CFLAR: variants seen among roughly 807,000 people sequenced by gnomAD.
The protein encoded by CFLAR is CASP8 and FADD-like apoptosis regulator.
In CFLAR, 14 loss-of-function variants were observed where a neutral mutation model predicts 51.1. The observed-to-expected ratio is 0.27, with a 90% confidence interval of 0.18 to 0.43. The LOEUF is 0.43. CFLAR is among the 20% of genes least tolerant of loss of function. The pLI is 1.00. For synonymous variants in CFLAR, 210 were observed against 211.6 expected, an observed-to-expected ratio of 0.99 and a Z score of 0.06; for missense variants, 390 against 566.5, an observed-to-expected ratio of 0.69 and a Z score of 3.16.
At chr2:201,143,559 T>G (rs1345605379) in intron 5 of CFLAR, 1 of 152,196 alleles carries the variant, frequency 6.6e-6, no homozygotes, top group Non-Finnish European at 1.5e-5. Context: ...GTGACTTTCT[T>G]AAAAGGTTTA....
chr2:201,130,187 G>GGGGGTGGCA, intron 2 of CFLAR, 41 bp downstream of exon 2: 1 of 292,394 alleles, frequency 3.4e-6, no homozygotes, highest in East Asian at 9.3e-5. Context: ...GGGTGGGAGG[G>GGGGGTGGCA]AGTGAAGTGT....
chr2:201,136,217 G>A, intron 4 of CFLAR, 110 bp downstream of exon 4: 2 of 1,609,402 alleles, frequency 1.2e-6, no homozygotes, highest in Non-Finnish European at 1.7e-6. Context: ...ATGGAACCTG[G>A]ATGACCAAAG....
rs1490862841 is a variant in CFLAR at position 201,133,021 on chromosome 2, G to T, written c.282-8G>T. 4 of 1,608,660 alleles carry T rather than the reference G, an allele frequency of 2.5e-6. No individual in the cohort carries two copies. Among genetic ancestry groups the T allele is most frequent in the Non-Finnish European group, 3.4e-6 (4 of 1,175,192 alleles). On this transcript the variant is annotated splice_region_variant and splice_polypyrimidine_tract_variant and intron_variant, in intron 2 of 9. Transcript: ENST00000309955. ...TGAATTAACTAAATGAACTTGTCTG[G>T]TTTGCAGAGTGCTGATGGCAGAGAT...
intron 7 of CFLAR, 55 bp downstream of exon 7, chr2:201,149,107 T>G: frequency 5.0e-6 from 6 of 1,194,656 alleles, no homozygotes; most frequent in Non-Finnish European, 7.4e-6. Flanking sequence ...TGGATAACCC[T>G]GACTTCTTTA....
At chr2:201,132,832 A>T (rs887344716) in intron 2 of CFLAR, 197 bp from the exon 3 acceptor site, 3 of 445,950 alleles carry the variant, frequency 6.7e-6, no homozygotes, top group African/African-American at 5.9e-5. Flanking sequence ...ACGGGCAAGG[A>T]CAAGTTCCCT....
At chr2:201,145,292 C>G in intron 5 of CFLAR, 86 bp from the exon 6 acceptor site, 3 of 741,372 alleles carry the variant, frequency 4.0e-6, no homozygotes, top group Non-Finnish European at 7.0e-6. Context: ...GTTAAGAATC[C>G]TATTGAGACA....
At chr2:201,131,737 C>G (rs2049348587) in intron 2 of CFLAR, among the ~76,000 whole-genome samples, 3 of 152,104 alleles carry the variant, frequency 2.0e-5, no homozygotes, top group Admixed American at 1.3e-4. Flanking sequence ...GGGTCTTGCT[C>G]TGTCATCCAG....
At chr2:201,161,412 T>TTA (rs375193962) in intron 9 of CFLAR, among the ~76,000 whole-genome samples, 1,733 of 83,578 alleles carry the variant, frequency 0.021, 18 homozygotes, top group Non-Finnish European at 0.031. Context: ...ATTTATTTAT[T>TTA]TTTATTTATT....
chr2:201,159,072 T>G (rs1942671089), intron 8 of CFLAR, among the ~76,000 whole-genome samples: 1 of 151,626 alleles, frequency 6.6e-6, no homozygotes, highest in South Asian at 2.1e-4. Context: ...GAGACGGGGT[T>G]TCACCATATT....
rs1553571662 is a variant in CFLAR at position 201,176,283 on chromosome 2, G to GGC, written c.*12311_*12312insCG. 16 of 127,564 alleles carry GGC rather than the reference G, an allele frequency of 1.3e-4. 2 individuals are homozygous for GGC. Among genetic ancestry groups the GGC allele is most frequent in the Middle Eastern group, 3.7e-3 (1 of 270 alleles). The allele number at this position is 127,564 out of a possible 1,614,324, so 7.9% of individuals were successfully genotyped here. ...GTCTCAGGTGTTTTCTATTGCGGGGGGGGGGGGCGGGCGGGGGAGCTGCCT... is the reference window on the plus strand; with the variant it reads ...GTCTCAGGTGTTTTCTATTGCGGGGGGCGGGGGGGCGGGCGGGGGAGCTGCCT... On this transcript the variant is annotated 3_prime_UTR_variant, in exon 10 of 10. Transcript: ENST00000309955.
intron 9 of CFLAR, among the ~76,000 whole-genome samples, chr2:201,161,754 T>C (rs1158110423): frequency 6.9e-6 from 1 of 145,374 alleles, no homozygotes; most frequent in Non-Finnish European, 1.5e-5. Flanking sequence ...TTTTTTTTTT[T>C]TTTTTTTTTG....
Position 201,165,587 on chromosome 2 carries a change from A to AT in CFLAR, c.*1626dup, listed in dbSNP as rs71022347. Reference sequence around the variant, plus strand: ...GCACCTGGCCTATTATTATTTTTAAATTTTTTTTTTTTAATTGATCATTCT... The same window carrying AT: ...GCACCTGGCCTATTATTATTTTTAAATTTTTTTTTTTTTAATTGATCATTCT... On this transcript the variant is annotated 3_prime_UTR_variant, in exon 10 of 10. Coordinates refer to ENST00000309955, the MANE Select transcript of CFLAR (RefSeq NM_003879.7). 2.5e-4 allele frequency: 38 copies of AT among 150,436 alleles called. No homozygotes were observed. Among genetic ancestry groups the AT allele is most frequent in the South Asian group, 8.3e-4 (4 of 4,808 alleles). 9.3% of individuals were successfully genotyped at this position (150,436 alleles called of 1,614,324 possible). A position where few individuals can be genotyped will look rare whatever the true frequency, so the allele number is the denominator to read the frequency against.
intron 9 of CFLAR, chr2:201,163,285 G>A (rs1559256230): frequency 7.8e-7 from 1 of 1,281,770 alleles, no homozygotes; most frequent in East Asian, 3.3e-5. Context: ...CAGTGAGCTG[G>A]TTTCCATTTA....
chr2:201,140,176 A>G (rs568099547), intron 4 of CFLAR, 181 bp from the exon 5 acceptor site: 21 of 621,836 alleles, frequency 3.4e-5, no homozygotes, highest in African/African-American at 2.8e-4. Context: ...AGGGCGCCCT[A>G]TACTCCATTC....
At chr2:201,126,402 A>C (rs2048715866) in intron 1 of CFLAR, among the ~76,000 whole-genome samples, 2 of 152,188 alleles carry the variant, frequency 1.3e-5, no homozygotes, top group South Asian at 4.1e-4. Context: ...AGTTAATTGC[A>C]TTCTTGGATG....
At chr2:201,141,976 A>C (rs528882067) in intron 5 of CFLAR, 1 of 152,324 alleles carries the variant, frequency 6.6e-6, no homozygotes, top group African/African-American at 2.4e-5. Flanking sequence ...AAAAAAAAAG[A>C]AGGAAAAAAA....
In CFLAR at chr2:201,120,008, G is replaced by A. The variant is rs539323929; in HGVS notation, c.-138+3527G>A. 3.3e-5 allele frequency among the ~76,000 whole-genome samples: 5 copies of A among 149,508 alleles called. No individual in the cohort carries two copies. The South Asian group carries it at 8.4e-4, about 25-fold the overall frequency. Reference sequence around the variant, plus strand: ...TTTTCTAAAAAAGATTCAAGGTGGGGCCTTCTTTTCTTTTCTTTTTTTTTT... The same window carrying A: ...TTTTCTAAAAAAGATTCAAGGTGGGACCTTCTTTTCTTTTCTTTTTTTTTT... On this transcript the variant is annotated intron_variant, in intron 1 of 9. Transcript: ENST00000309955.
intron 4 of CFLAR, 79 bp downstream of exon 4, chr2:201,136,186 T>C: frequency 1.1e-5 from 18 of 1,611,698 alleles, no homozygotes; most frequent in Non-Finnish European, 1.5e-5. Flanking sequence ...TAAATATTCA[T>C]TTGTTGGATA....
At chr2:201,130,183 G>GC in intron 2 of CFLAR, 37 bp downstream of exon 2, 9 of 854,252 alleles carry the variant, frequency 1.1e-5, no homozygotes, top group African/African-American at 1.8e-5. Context: ...GGGTGGGTGG[G>GC]AGGGAGTGAA....
Sources: gnomAD v4.1 joint callset for allele counts (sites outside exome capture counted in the v4.1 genomes callset) on GRCh38, gnomAD v4.1.1 for gene constraint, MANE v1.5 for transcripts, NCBI Gene and HGNC (gene_info 2026-07-23, HGNC 2026-07-21) for gene names.